Variants in SPATA6 observed in about 807,000 individuals in gnomAD.
The protein encoded by SPATA6 is spermatogenesis-associated protein 6.
SPATA6 carries 56 observed loss-of-function variants against 65.3 expected under a neutral mutation model. The observed-to-expected ratio is 0.86, with a 90% CI of 0.69 to 1.07. The LOEUF is 1.07. Ranked by LOEUF, SPATA6 falls within the 50% of genes least tolerant of loss-of-function variation. The probability of loss-of-function intolerance (pLI) is 0.00; values close to 1 mark genes in which losing one functional copy is unlikely to be tolerated. For missense variants in SPATA6, 590 were observed against 594.8 expected (o/e 0.99, Z 0.08); for synonymous variants, 199 against 213.2 (o/e 0.93, Z 0.58).
chr1:48,352,083 C>A lies in SPATA6; in HGVS notation c.1194+3587G>T, dbSNP rs183054550. On this transcript the variant is annotated intron_variant, in intron 11 of 12. Coordinates refer to ENST00000371847, the MANE Select transcript of SPATA6 (RefSeq NM_019073.4). ...AGGTATAATTGGACTTACAGTTCCA[C>A]GTGGCTGGGGAAGCCTCACAATCAT... 3.3e-3 allele frequency among the ~76,000 whole-genome samples: 498 copies of A among 152,126 alleles called. 3 individuals carry two copies. The highest frequency in any genetic ancestry group is 6.0e-3 in the Non-Finnish European group (411 of 67,966).
downstream of SPATA6, among the ~76,000 whole-genome samples, chr1:48,293,567 C>T (rs191296254): frequency 1.4e-3 from 216 of 152,124 alleles, no homozygotes; most frequent in Non-Finnish European, 2.7e-3. Flanking sequence ...TATGTTTTTC[C>T]CCTCAAAAGC....
chr1:48,321,038 C>CA (rs879933792), intron 11 of SPATA6, among the ~76,000 whole-genome samples: 1 of 151,616 alleles, frequency 6.6e-6, no homozygotes, highest in Non-Finnish European at 1.5e-5. Flanking sequence ...AAATAAAGGG[C>CA]AAAAAATTGA....
chr1:48,361,238 T>C (rs1646804226), intron 9 of SPATA6, among the ~76,000 whole-genome samples: 1 of 151,852 alleles, frequency 6.6e-6, no homozygotes, highest in African/African-American at 2.4e-5. Flanking sequence ...GCTTGAAAGA[T>C]GAAAAGAAAA....
At position 48,401,708 on chromosome 1, in the gene SPATA6, T is replaced by C. The variant is rs545176958; in HGVS notation, c.487-2064A>G. Among the ~76,000 whole-genome samples, 121 of 152,220 alleles carry C rather than the reference T, an allele frequency of 7.9e-4. 1 individual carries two copies. The highest frequency in any genetic ancestry group is 2.8e-3 in the African/African-American group (118 of 41,556). Reference sequence around the variant, plus strand: ...AAGATCCTTCCCTGGGCAAAACATCTGCCACTGTTCAACATGTGAGTAAAG... The same window carrying C: ...AAGATCCTTCCCTGGGCAAAACATCCGCCACTGTTCAACATGTGAGTAAAG... On this transcript the variant is annotated intron_variant, in intron 6 of 12. Transcript: ENST00000371847.
intron 5 of SPATA6, among the ~76,000 whole-genome samples, chr1:48,404,426 T>C (rs1651492113): frequency 6.6e-6 from 1 of 152,114 alleles, no homozygotes; most frequent in African/African-American, 2.4e-5. Flanking sequence ...CACTGCAGAC[T>C]CTAACTCTTG....
chr1:48,269,005 T>A, the SPATA6 span, among the ~76,000 whole-genome samples: 1 of 152,304 alleles, frequency 6.6e-6, no homozygotes, highest in Admixed American at 6.5e-5. Context: ...GTTTGAGATC[T>A]CTAGGTATTC....
chr1:48,377,121 A>G (rs1648011355), intron 9 of SPATA6, among the ~76,000 whole-genome samples: 1 of 152,114 alleles, frequency 6.6e-6, no homozygotes, highest in East Asian at 1.9e-4. Flanking sequence ...TGACTATTCA[A>G]TGGCCTACTA....
the SPATA6 span, among the ~76,000 whole-genome samples, chr1:48,277,644 C>T: frequency 3.9e-5 from 6 of 152,228 alleles, no homozygotes; most frequent in East Asian, 1.9e-4. Context: ...CCCGCCATTG[C>T]GCAGGCTTGC....
At chr1:48,393,112 T>C (rs1650237447) in intron 8 of SPATA6, 1 of 152,142 alleles carries the variant, frequency 6.6e-6, no homozygotes, top group African/African-American at 2.4e-5. Context: ...TGAGGTTTAA[T>C]AGGATATTAC....
chr1:48,328,839 T>C (rs1645837484), intron 11 of SPATA6, among the ~76,000 whole-genome samples: 2 of 152,222 alleles, frequency 1.3e-5, no homozygotes, highest in African/African-American at 4.8e-5. Context: ...TTATCTCAAG[T>C]AGATACATCT....
chr1:48,436,021 C>T, intron 3 of SPATA6: 1 of 1,608,558 alleles, frequency 6.2e-7, no homozygotes, highest in East Asian at 2.2e-5. Context: ...ATCACTCAGA[C>T]CTGAAAAACA....
intron 9 of SPATA6, among the ~76,000 whole-genome samples, chr1:48,376,924 G>A (rs1317869407): frequency 6.6e-6 from 1 of 152,090 alleles, no homozygotes; most frequent in South Asian, 2.1e-4. Context: ...AACAAAAATA[G>A]ACATTATAAT....
At chr1:48,426,349 C>A (rs75819746) in intron 3 of SPATA6, among the ~76,000 whole-genome samples, 10,062 of 152,210 alleles carry the variant, frequency 0.066, 420 homozygotes, top group Non-Finnish European at 0.093. Context: ...ACAATAGAGT[C>A]TGAAGACGGT....
At chr1:48,304,828 C>T (rs1245300549) in intron 12 of SPATA6, among the ~76,000 whole-genome samples, 1 of 152,182 alleles carries the variant, frequency 6.6e-6, no homozygotes, top group Admixed American at 6.5e-5. Flanking sequence ...ATGGGTTAAG[C>T]ACCCAAAATC....
chr1:48,357,084 T>C (rs951153650), intron 10 of SPATA6, among the ~76,000 whole-genome samples: 2 of 152,150 alleles, frequency 1.3e-5, no homozygotes, highest in African/African-American at 4.8e-5. Context: ...GATCCACTAG[T>C]CTGTGCTGTG....
At chr1:48,322,764 A>T (rs1645635825) in intron 11 of SPATA6, among the ~76,000 whole-genome samples, 1 of 152,264 alleles carries the variant, frequency 6.6e-6, no homozygotes. Context: ...GGTGAAGGAT[A>T]TGAACAGACA....
intron 9 of SPATA6, among the ~76,000 whole-genome samples, chr1:48,361,668 T>C (rs1339334229): frequency 1.3e-5 from 2 of 152,122 alleles, no homozygotes; most frequent in Non-Finnish European, 2.9e-5. Flanking sequence ...CAGACTCATT[T>C]CCCTCACATG....
intron 8 of SPATA6, among the ~76,000 whole-genome samples, chr1:48,393,458 CAA>C (rs1368554622): frequency 3.9e-5 from 6 of 151,986 alleles, no homozygotes; most frequent in Admixed American, 2.0e-4. Flanking sequence ...TTAAAGAAAA[CAA>C]AAGAGGCATG....
chr1:48,308,989 G>A (rs557625865), intron 11 of SPATA6, among the ~76,000 whole-genome samples: 1 of 152,080 alleles, frequency 6.6e-6, no homozygotes, highest in Admixed American at 6.6e-5. Context: ...GGGCTCAAGT[G>A]ATTCTCCCAT....
Sources: gnomAD v4.1 joint callset for allele counts (sites outside exome capture counted in the v4.1 genomes callset) on GRCh38, gnomAD v4.1.1 for gene constraint, MANE v1.5 for transcripts, NCBI Gene and HGNC (gene_info 2026-07-23, HGNC 2026-07-21) for gene names.